Variants in GABRA3 observed in about 807,000 individuals in gnomAD.
GABRA3 encodes gamma-aminobutyric acid receptor subunit alpha-3.
A neutral mutation model predicts 30.1 loss-of-function variants in GABRA3; 10 were observed. The observed-to-expected ratio is 0.33, with a 90% CI of 0.20 to 0.56. The LOEUF (loss-of-function observed/expected upper bound fraction) is 0.56. GABRA3 is among the 20% of genes least tolerant of loss of function. The pLI is 0.89. For synonymous variants in GABRA3, 151 were observed against 146.8 expected (o/e 1.03, Z -0.21); for missense variants, 233 against 392.0 (o/e 0.59, Z 3.42).
chrX:152,373,105 T>C (rs1448643259), intron 1 of GABRA3, among the ~76,000 whole-genome samples: 3 of 112,061 alleles, frequency 2.7e-5, no homozygotes, highest in African/African-American at 9.7e-5. Context: ...TCTATCTTTT[T>C]GTGGCGTTTC....
At chrX:152,199,794 C>G (rs952819304) in intron 7 of GABRA3, among the ~76,000 whole-genome samples, 1 of 110,177 alleles carries the variant, frequency 9.1e-6, no homozygotes, top group Admixed American at 9.7e-5. Flanking sequence ...TTCTGTTGCT[C>G]TCTCTCTCAC....
chrX:152,346,139 G>T (rs986914245), intron 2 of GABRA3, among the ~76,000 whole-genome samples: 1 of 111,505 alleles, frequency 9.0e-6, no homozygotes, highest in African/African-American at 3.3e-5. Context: ...AGAAAAACAG[G>T]GTTAGACAGA....
chrX:152,379,459 T>C (rs1186968322), intron 1 of GABRA3, among the ~76,000 whole-genome samples: 1 of 111,015 alleles, frequency 9.0e-6, no homozygotes, highest in Non-Finnish European at 1.9e-5. Context: ...TACACAGTAC[T>C]TAAGGAAAGC....
intron 4 of GABRA3, among the ~76,000 whole-genome samples, chrX:152,275,244 TATATATAATAAA>T (rs1288582404): frequency 3.1e-5 from 2 of 65,432 alleles, no homozygotes; most frequent in African/African-American, 7.1e-5. Flanking sequence ...TATATTTTAT[TATATATAATAAA>T]ATATATATAA....
intron 9 of GABRA3, among the ~76,000 whole-genome samples, chrX:152,183,494 A>G (rs1234808101): frequency 9.2e-6 from 1 of 108,575 alleles, no homozygotes; most frequent in Non-Finnish European, 1.9e-5. Context: ...TCTTTTGAAA[A>G]AAAAACACAT....
rs148407975 is a variant in GABRA3, at chrX:152,345,701, G to A, written c.142C>T (p.Leu48=). The A allele has an allele frequency of 9.4e-6, 11 of 1,173,308 alleles. No individual in the cohort carries two copies. Among genetic ancestry groups the A allele is most frequent in the Middle Eastern group, 2.4e-4 (1 of 4,203 alleles). ...ATATCTGGGGCATGCTTAGGAGACA[G>A]CCTGAGGCAATGCAAGGAAAAGAAA... The part of the protein sequence containing the change: ...GDFVKQDIGG[L]SPKHAPDIPD... Residue 48 remains leucine (L), a splice_region_variant and synonymous_variant, in exon 3 of 10, where the codon CTG becomes TTG. Transcript: ENST00000370314.
At chrX:152,388,235 G>A (rs757253519) in intron 1 of GABRA3, among the ~76,000 whole-genome samples, 27 of 110,921 alleles carry the variant, frequency 2.4e-4, no homozygotes, top group South Asian at 1.5e-3. Flanking sequence ...GTCCAATGTC[G>A]TAATACAATG....
chrX:152,431,145 A>G (rs1930642315), intron 1 of GABRA3, among the ~76,000 whole-genome samples: 1 of 111,883 alleles, frequency 8.9e-6, no homozygotes, highest in South Asian at 3.7e-4. Context: ...GAATAATTTC[A>G]GATTTCCTAG....
chrX:152,359,769 T>C (rs1928428556), intron 2 of GABRA3, among the ~76,000 whole-genome samples: 1 of 111,866 alleles, frequency 8.9e-6, no homozygotes, highest in African/African-American at 3.2e-5. Context: ...CTCATTACTT[T>C]CAAGAAATTT....
intron 4 of GABRA3, among the ~76,000 whole-genome samples, chrX:152,262,957 G>C (rs990847429): frequency 8.1e-5 from 9 of 111,539 alleles, no homozygotes; most frequent in Non-Finnish European, 1.7e-4. Context: ...CAGCATGGCT[G>C]GGGGGGCCTC....
intron 3 of GABRA3, among the ~76,000 whole-genome samples, chrX:152,290,653 C>A (rs1028889514): frequency 8.9e-6 from 1 of 112,041 alleles, no homozygotes; most frequent in Non-Finnish European, 1.9e-5. Context: ...TCAGGTCTAA[C>A]ATTTAATTCT....
chrX:152,196,001 T>C (rs1937379915), intron 8 of GABRA3, among the ~76,000 whole-genome samples: 1 of 110,599 alleles, frequency 9.0e-6, no homozygotes, highest in African/African-American at 3.3e-5. Context: ...GTTAATGGGA[T>C]TGACACTCAA....
intron 5 of GABRA3, chrX:152,250,598 G>A (rs1938536374): frequency 9.0e-6 from 1 of 111,300 alleles, no homozygotes; most frequent in Non-Finnish European, 1.9e-5. Flanking sequence ...TTATAAATGT[G>A]TGTATCATCT....
chrX:152,344,962 G>A (rs957140861), intron 3 of GABRA3, among the ~76,000 whole-genome samples: 11 of 111,652 alleles, frequency 9.9e-5, no homozygotes, highest in African/African-American at 3.3e-4. Flanking sequence ...AATAACCCGT[G>A]ATATATTATA....
rs1939525393 is a variant in GABRA3 at position 152,296,225 on chromosome X, G to A, written c.263-11490C>T. Among the ~76,000 whole-genome samples the A allele has an allele frequency of 2.7e-5, 3 of 111,797 alleles. No homozygotes were observed. The Admixed American group carries it at 2.9e-4, about 11-fold the overall frequency. On this transcript the variant is annotated intron_variant, in intron 3 of 9. Transcript: ENST00000370314. ...GAAGAGGGACTGGGTGCCTGTAAATGAGCTCCCAGGTGACTAGCTATCTGA... is the reference window on the plus strand; with the variant it reads ...GAAGAGGGACTGGGTGCCTGTAAATAAGCTCCCAGGTGACTAGCTATCTGA...
At chrX:152,434,350 G>T (rs1223982779) in intron 1 of GABRA3, among the ~76,000 whole-genome samples, 4 of 111,287 alleles carry the variant, frequency 3.6e-5, no homozygotes, top group Non-Finnish European at 7.5e-5. Context: ...AAGTTCTTCA[G>T]TTTTGAGACT....
chrX:152,260,594 C>T (rs1191553893), intron 4 of GABRA3, among the ~76,000 whole-genome samples: 1 of 111,885 alleles, frequency 8.9e-6, no homozygotes, highest in South Asian at 3.7e-4. Context: ...AAGTCTTTGA[C>T]TGGTAATGCA....
chrX:152,193,874 G>A (rs1371317502), intron 8 of GABRA3, among the ~76,000 whole-genome samples: 3 of 111,089 alleles, frequency 2.7e-5, no homozygotes. Context: ...GCACACGCCT[G>A]TAGTCCCAGC....
At position 152,275,017 on chromosome X, in the gene GABRA3, A is replaced by G. The variant is rs1026840904; in HGVS notation, c.330+9651T>C. Among the ~76,000 whole-genome samples, 8 of 98,447 alleles carry G rather than the reference A, an allele frequency of 8.1e-5. No individual in the cohort carries two copies. In the Admixed American group the frequency reaches 1.0e-3, roughly 12 times the overall value. 85.5% of individuals were successfully genotyped at this position (98,447 alleles called of 115,157 possible). A position where few individuals can be genotyped will look rare whatever the true frequency, so the allele number is the denominator to read the frequency against. On this transcript the variant is annotated intron_variant, in intron 4 of 9. Transcript: ENST00000370314. ...TTCTACTTTGGGGTGTGTGTGTGGC[A>G]TATGTTTTACATATATATTTATTTA...
Sources: gnomAD v4.1 joint callset for allele counts (sites outside exome capture counted in the v4.1 genomes callset) on GRCh38, gnomAD v4.1.1 for gene constraint, MANE v1.5 for transcripts, NCBI Gene and HGNC (gene_info 2026-07-23, HGNC 2026-07-21) for gene names.